Variants in OPN5 observed in about 807,000 individuals in gnomAD.
The protein encoded by OPN5 is opsin-5.
Under a neutral mutation model 41.7 loss-of-function variants are expected in OPN5, and 18 were observed. The ratio of observed to expected loss-of-function variants is 0.43; its 90% CI spans 0.30 to 0.64. OPN5 has a LOEUF of 0.64. Ranked by LOEUF, OPN5 falls within the 30% of genes least tolerant of loss-of-function variation. The probability of loss-of-function intolerance (pLI) is 0.13; values close to 1 mark genes in which losing one functional copy is unlikely to be tolerated. For synonymous variants in OPN5, 178 were observed against 164.3 expected (o/e 1.08, Z -0.64); for missense variants, 318 against 434.5 (o/e 0.73, Z 2.38).
chr6:47,805,894 C>T (rs920072712), intron 4 of OPN5, among the ~76,000 whole-genome samples: 3 of 152,100 alleles, frequency 2.0e-5, no homozygotes, highest in Non-Finnish European at 2.9e-5. Context: ...TGGCATAGCT[C>T]CATCCTTACT....
intron 6 of OPN5, among the ~76,000 whole-genome samples, chr6:47,816,248 G>A (rs1298709527): frequency 2.0e-5 from 3 of 152,120 alleles, no homozygotes; most frequent in South Asian, 2.1e-4. Flanking sequence ...GAGGGCTTTG[G>A]CAAAGTTTTG....
In OPN5 at chr6:47,795,761, TTC is replaced by T. The variant is rs112984403; in HGVS notation, c.756+215_756+216del. On this transcript the variant is annotated intron_variant, in intron 4 of 6. Transcript: ENST00000371211. ...CTGTCTCTGTACCCCCACTTCTCTC[TTC>T]TCTCTCTCTCTCTCTCACACACACA... 3.7e-3 allele frequency among the ~76,000 whole-genome samples: 500 copies of T among 136,956 alleles called. 2 individuals carry two copies. Among genetic ancestry groups the T allele is most frequent in the South Asian group, 5.5e-3 (22 of 3,970 alleles). The allele number at this position is 136,956 out of a possible 152,430, so 89.8% of individuals were successfully genotyped here. A position where few individuals can be genotyped will look rare whatever the true frequency, so the allele number is the denominator to read the frequency against.
chr6:47,795,659 A>G, intron 4 of OPN5, 96 bp downstream of exon 4: 1 of 812,716 alleles, frequency 1.2e-6, no homozygotes, highest in East Asian at 2.6e-5. Flanking sequence ...GAGAACTTAG[A>G]ATCTCTATTC....
At chr6:47,798,187 GTTTATATAAA>G (rs1402087172) in intron 4 of OPN5, among the ~76,000 whole-genome samples, 1 of 151,692 alleles carries the variant, frequency 6.6e-6, no homozygotes, top group Non-Finnish European at 1.5e-5. Context: ...TATTTTATTT[GTTTATATAAA>G]CCTGTATTAA....
At chr6:47,795,311 G>A (rs369816035) in exon 4 of OPN5, 3 of 1,613,906 alleles carry the variant, frequency 1.9e-6, no homozygotes, top group Admixed American at 3.3e-5. Flanking sequence ...CCATGCCCTT[G>A]GTAGGTCTGG....
intron 4 of OPN5, among the ~76,000 whole-genome samples, chr6:47,805,674 A>C (rs562459555): frequency 1.3e-5 from 2 of 152,294 alleles, no homozygotes; most frequent in East Asian, 3.9e-4. Flanking sequence ...GCACGGGCAC[A>C]CATATGTCCT....
intron 5 of OPN5, among the ~76,000 whole-genome samples, chr6:47,808,628 A>G (rs1322456142): frequency 1.3e-5 from 2 of 152,204 alleles, no homozygotes; most frequent in South Asian, 2.1e-4. Context: ...TCGTGGAGCA[A>G]CTAAGATACA....
chr6:47,822,510 C>T (rs542390364), intron 6 of OPN5, among the ~76,000 whole-genome samples: 176 of 152,162 alleles, frequency 1.2e-3, no homozygotes, highest in Non-Finnish European at 1.3e-3. Context: ...CCAATTTTTA[C>T]GCTGAAATGA....
intron 2 of OPN5, among the ~76,000 whole-genome samples, chr6:47,789,699 A>G (rs1275416580): frequency 6.6e-6 from 1 of 152,230 alleles, no homozygotes; most frequent in Non-Finnish European, 1.5e-5. Flanking sequence ...GAAGGCATTC[A>G]GTGAATATGT....
At chr6:47,782,339 A>AT in intron 1 of OPN5, 143 bp downstream of exon 1, 1 of 644,040 alleles carries the variant, frequency 1.6e-6, no homozygotes, top group Non-Finnish European at 2.6e-6. Context: ...ATGGAATGGC[A>AT]TTATGGCATT....
chr6:47,804,371 G>A (rs1193795834), intron 4 of OPN5, among the ~76,000 whole-genome samples: 3 of 152,098 alleles, frequency 2.0e-5, no homozygotes, highest in African/African-American at 7.2e-5. Flanking sequence ...GTTAGAACTG[G>A]CTTAAGGATA....
chr6:47,799,744 C>T (rs1773701134), intron 4 of OPN5, among the ~76,000 whole-genome samples: 1 of 152,146 alleles, frequency 6.6e-6, no homozygotes, highest in African/African-American at 2.4e-5. Flanking sequence ...GTGTTCAGCT[C>T]AGTGGGGTAG....
chr6:47,806,558 A>G (rs1773973416), intron 4 of OPN5, among the ~76,000 whole-genome samples: 1 of 152,062 alleles, frequency 6.6e-6, no homozygotes, highest in Non-Finnish European at 1.5e-5. Flanking sequence ...TGATCTTTCT[A>G]CCTTCTATTT....
chr6:47,797,662 A>G (rs1177869599), intron 4 of OPN5, among the ~76,000 whole-genome samples: 3 of 152,222 alleles, frequency 2.0e-5, no homozygotes, highest in Admixed American at 6.5e-5. Flanking sequence ...CTTTGCATAC[A>G]GTTGCTGAAA....
intron 1 of OPN5, among the ~76,000 whole-genome samples, chr6:47,784,365 C>T (rs189917613): frequency 2.9e-3 from 440 of 151,870 alleles, no homozygotes; most frequent in African/African-American, 0.01. Flanking sequence ...GGTGCGATCT[C>T]GGCTCACTGC....
intron 3 of OPN5, among the ~76,000 whole-genome samples, chr6:47,793,463 G>A (rs143901578): frequency 7.9e-5 from 12 of 152,258 alleles, no homozygotes; most frequent in African/African-American, 2.2e-4. Flanking sequence ...TTAGAAGGTC[G>A]CTTGGGGATG....
chr6:47,818,363 A>C, intron 6 of OPN5, among the ~76,000 whole-genome samples: 1 of 152,190 alleles, frequency 6.6e-6, no homozygotes, highest in East Asian at 1.9e-4. Flanking sequence ...AAAATGACTT[A>C]AATGATTGGA....
chr6:47,823,183 A>T (rs1762686856), intron 6 of OPN5, among the ~76,000 whole-genome samples: 1 of 152,218 alleles, frequency 6.6e-6, no homozygotes, highest in Admixed American at 6.5e-5. Context: ...CAAGGAGCTT[A>T]TACTTAAACA....
intron 1 of OPN5, among the ~76,000 whole-genome samples, chr6:47,783,839 T>C (rs748196493): frequency 6.6e-6 from 1 of 152,210 alleles, no homozygotes; most frequent in Non-Finnish European, 1.5e-5. Context: ...ACTTGATCAA[T>C]TGTATTTAGC....
Sources: allele counts gnomAD v4.1 joint callset (sites outside exome capture counted in the v4.1 genomes callset), GRCh38; gene constraint gnomAD v4.1.1; transcripts MANE v1.5; gene names NCBI Gene and HGNC (gene_info 2026-07-23, HGNC 2026-07-21).